LGSN: variants seen among roughly 807,000 people sequenced by gnomAD.
The protein encoded by LGSN is lengsin.
In LGSN, 21 loss-of-function variants were observed where a neutral mutation model predicts 19.5. The observed-to-expected ratio is 1.07, with a 90% CI of 0.76 to 1.55. The LOEUF is 1.55. Ranked by LOEUF, LGSN falls within the 40% of genes most tolerant of loss-of-function variation. The probability of loss-of-function intolerance (pLI) is 0.00; values close to 1 mark genes in which losing one functional copy is unlikely to be tolerated. For synonymous variants in LGSN, 257 were observed against 215.6 expected, an observed-to-expected ratio of 1.19 and a Z score of -1.68; for missense variants, 673 against 608.5, an observed-to-expected ratio of 1.11 and a Z score of -1.12.
the LGSN span, among the ~76,000 whole-genome samples, chr6:63,540,485 G>A: frequency 1.3e-5 from 2 of 151,916 alleles, no homozygotes; most frequent in African/African-American, 4.8e-5. Context: ...GCCGGGTGTG[G>A]TGGTGCATGC....
At chr6:63,508,184 T>C in the LGSN span, among the ~76,000 whole-genome samples, 48 of 152,352 alleles carry the variant, frequency 3.2e-4, no homozygotes, top group African/African-American at 1.1e-3. Context: ...CTAAGAATTA[T>C]ATTTTTGTAC....
At chr6:63,521,326 G>A in the LGSN span, among the ~76,000 whole-genome samples, 2 of 152,130 alleles carry the variant, frequency 1.3e-5, no homozygotes, top group East Asian at 3.8e-4. Flanking sequence ...TCGTATTCTA[G>A]CATAAAGTGA....
chr6:63,557,799 A>G, the LGSN span, among the ~76,000 whole-genome samples: 1 of 152,264 alleles, frequency 6.6e-6, no homozygotes, highest in Non-Finnish European at 1.5e-5. Flanking sequence ...AAGAGTTTGG[A>G]CTTTATCTAA....
At chr6:63,450,581 T>A in the LGSN span, among the ~76,000 whole-genome samples, 1 of 150,600 alleles carries the variant, frequency 6.6e-6, no homozygotes, top group African/African-American at 2.4e-5. Context: ...AATAATTTTT[T>A]AAAAAACGTT....
In LGSN at chr6:63,279,469, C is replaced by T. The variant is rs1026097748; in HGVS notation, c.*552G>A. ...AAAAGAGAAGAGACTTAGGGGAAAACTGCCTACCTGTCATTATATTTTGGC... is the reference window on the plus strand; with the variant it reads ...AAAAGAGAAGAGACTTAGGGGAAAATTGCCTACCTGTCATTATATTTTGGC... On this transcript the variant is annotated 3_prime_UTR_variant, in exon 4 of 4. Coordinates refer to ENST00000370657, the MANE Select transcript of LGSN (RefSeq NM_016571.3). 3.9e-5 allele frequency: 6 copies of T among 152,246 alleles called. No individual in the cohort carries two copies. The highest frequency in any genetic ancestry group is 1.2e-4 in the African/African-American group (5 of 41,426). 9.4% of individuals were successfully genotyped at this position (152,246 alleles called of 1,614,324 possible).
intron 2 of LGSN, among the ~76,000 whole-genome samples, chr6:63,290,573 C>A (rs1767726087): frequency 6.6e-6 from 1 of 152,148 alleles, no homozygotes; most frequent in Non-Finnish European, 1.5e-5. Flanking sequence ...CTAGATCTGG[C>A]AACCCTGGGT....
At chr6:63,490,088 C>T in the LGSN span, among the ~76,000 whole-genome samples, 2 of 151,976 alleles carry the variant, frequency 1.3e-5, no homozygotes, top group African/African-American at 4.8e-5. Flanking sequence ...ATTGAATTTA[C>T]TCTATTACAT....
chr6:63,426,060 T>C, the LGSN span, among the ~76,000 whole-genome samples: 1 of 152,140 alleles, frequency 6.6e-6, no homozygotes, highest in Non-Finnish European at 1.5e-5. Flanking sequence ...TTTTTTTTAA[T>C]GCAAGGGAAA....
chr6:63,548,496 C>T, the LGSN span, among the ~76,000 whole-genome samples: 3 of 152,314 alleles, frequency 2.0e-5, no homozygotes, highest in Admixed American at 6.5e-5. Flanking sequence ...TTGTCTCCAT[C>T]GTAGCAGCCT....
chr6:63,312,367 G>A (rs900714975), intron 1 of LGSN, among the ~76,000 whole-genome samples: 4 of 152,096 alleles, frequency 2.6e-5, no homozygotes, highest in African/African-American at 9.7e-5. Flanking sequence ...ATGGATGATT[G>A]ATGTTCTTAA....
chr6:63,313,616 CTT>C (rs1392671535), intron 1 of LGSN, among the ~76,000 whole-genome samples: 1 of 152,072 alleles, frequency 6.6e-6, no homozygotes, highest in Non-Finnish European at 1.5e-5. Context: ...GGGCAAATGA[CTT>C]GAGGCCAGGA....
chr6:63,453,959 A>G, the LGSN span, among the ~76,000 whole-genome samples: 1 of 151,980 alleles, frequency 6.6e-6, no homozygotes, highest in Non-Finnish European at 1.5e-5. Context: ...CCCGGCCGTC[A>G]TTATAATTAA....
the LGSN span, among the ~76,000 whole-genome samples, chr6:63,520,396 G>A: frequency 6.6e-6 from 1 of 152,186 alleles, no homozygotes. Flanking sequence ...GGAGACTGAG[G>A]CGGGCGGATC....
the LGSN span, among the ~76,000 whole-genome samples, chr6:63,337,920 C>T: frequency 1.3e-5 from 2 of 152,040 alleles, no homozygotes; most frequent in African/African-American, 4.8e-5. Flanking sequence ...GAGTCTTGCT[C>T]TGTTGCCCAG....
chr6:63,572,401 G>C, the LGSN span: 1 of 339,592 alleles, frequency 2.9e-6, no homozygotes, highest in East Asian at 4.4e-5. Context: ...CTCCTGGCCC[G>C]CGGTTCCAGG....
chr6:63,439,673 C>A, the LGSN span, among the ~76,000 whole-genome samples: 1 of 152,162 alleles, frequency 6.6e-6, no homozygotes, highest in Non-Finnish European at 1.5e-5. Context: ...CTTCTCAATT[C>A]TAATTCCCCC....
At chr6:63,293,940 A>C (rs1767873042) in intron 2 of LGSN, 2 of 360,898 alleles carry the variant, frequency 5.5e-6, no homozygotes, top group African/African-American at 2.1e-5. Flanking sequence ...AATACTTGAG[A>C]AAATAGTATA....
chr6:63,307,550 G>T (rs1339035080), intron 1 of LGSN, among the ~76,000 whole-genome samples: 2 of 152,244 alleles, frequency 1.3e-5, no homozygotes, highest in African/African-American at 4.8e-5. Context: ...TTTGGGTAGA[G>T]TGGACCATTA....
At chr6:63,507,290 G>A in the LGSN span, among the ~76,000 whole-genome samples, 8 of 152,112 alleles carry the variant, frequency 5.3e-5, no homozygotes, top group African/African-American at 1.7e-4. Context: ...AGTCAGAAGG[G>A]GGCACTTACT....
Sources: gnomAD v4.1 joint callset for allele counts (sites outside exome capture counted in the v4.1 genomes callset) on GRCh38, gnomAD v4.1.1 for gene constraint, MANE v1.5 for transcripts, NCBI Gene and HGNC (gene_info 2026-07-23, HGNC 2026-07-21) for gene names.